POU6F2: variants seen among roughly 807,000 people sequenced by gnomAD.
The protein encoded by POU6F2 is POU domain, class 6, transcription factor 2.
POU6F2 carries 31 observed loss-of-function variants against 71.3 expected under a neutral mutation model. That is an observed-to-expected ratio of 0.43 (90% CI 0.33 to 0.59). POU6F2 has a LOEUF of 0.59. POU6F2 is among the 20% of genes least tolerant of loss of function. The pLI, the probability that POU6F2 is intolerant of heterozygous loss-of-function variation, is 0.04. For synonymous variants in POU6F2, 347 were observed against 355.7 expected (o/e 0.98, Z 0.27); for missense variants, 783 against 856.8 (o/e 0.91, Z 1.07).
rs1460358732 is a variant in POU6F2, at chr7:39,353,794, C to T, written c.972+13779C>T. Among the ~76,000 whole-genome samples the T allele has an allele frequency of 2.6e-5, 4 of 152,136 alleles. No homozygotes were observed. In the East Asian group the frequency reaches 5.8e-4, roughly 22 times the overall value. ...TCACACTTGATGCCTGGATTTGACT[C>T]GGAAAGTCTGCCAAGTCTTTTACTC... is the stretch of plus-strand genomic sequence containing the variant. On this transcript the variant is annotated intron_variant, in intron 5 of 9. Transcript: ENST00000518318.
At chr7:39,068,005 C>G (rs968785693) in intron 1 of POU6F2, among the ~76,000 whole-genome samples, 1 of 152,056 alleles carries the variant, frequency 6.6e-6, no homozygotes, top group Non-Finnish European at 1.5e-5. Context: ...TTCTTTTAAC[C>G]CGTAATTTCA....
chr7:39,328,198 C>T (rs1166320763), intron 4 of POU6F2, among the ~76,000 whole-genome samples: 1 of 152,168 alleles, frequency 6.6e-6, no homozygotes, highest in Non-Finnish European at 1.5e-5. Flanking sequence ...GGATTACAGG[C>T]GTGAGCCACC....
intron 2 of POU6F2, among the ~76,000 whole-genome samples, chr7:39,108,080 A>T (rs556610359): frequency 6.6e-6 from 1 of 152,142 alleles, no homozygotes; most frequent in Non-Finnish European, 1.5e-5. Flanking sequence ...ATTGCTCTCA[A>T]TTCTCCAGCC....
rs772967825 is a variant in POU6F2, at chr7:39,464,601, A to G, written c.2078A>G (p.Asn693Ser). ...WFCNKRQALK[N>S]TIKRLKQHEP... ...TGCAATAAGAGGCAAGCCCTGAAGA[A>G]CACAATTAAACGCTTAAAACAGCAC... Residue 693 changes from asparagine (N) to serine (S), a missense_variant, in exon 10 of 10, where the codon AAC becomes AGC. Physicochemically the swap from Asn to Ser is conservative, Grantham distance 46 (BLOSUM62 1). This residue lies in a region of POU6F2 where 211 missense variants were observed against 283.9 expected (regional missense o/e 0.74). Coordinates refer to ENST00000518318, the MANE Select transcript of POU6F2 (RefSeq NM_001370959.1). The surrounding 1 kb of genome is among the most constrained non-coding windows in gnomAD (Gnocchi z 4.1). 1.2e-6 allele frequency: 2 copies of G among 1,611,188 alleles called. No individual in the cohort carries two copies. The highest frequency in any genetic ancestry group is 1.1e-5 in the South Asian group (1 of 90,408).
intron 1 of POU6F2, among the ~76,000 whole-genome samples, chr7:39,076,316 A>G (rs1030051455): frequency 1.3e-5 from 2 of 151,568 alleles, no homozygotes; most frequent in Non-Finnish European, 2.9e-5. Flanking sequence ...CCTATTTTGT[A>G]TCAGACATAG....
At chr7:39,452,197 C>A (rs531714148) in intron 8 of POU6F2, among the ~76,000 whole-genome samples, 2 of 152,256 alleles carry the variant, frequency 1.3e-5, no homozygotes, top group South Asian at 4.2e-4. Context: ...CCTCAAGTGG[C>A]ATGTGGGGGA....
At chr7:39,089,971 A>G (rs1791331110) in intron 2 of POU6F2, among the ~76,000 whole-genome samples, 1 of 151,928 alleles carries the variant, frequency 6.6e-6, no homozygotes, top group Non-Finnish European at 1.5e-5. Context: ...CAGTTGTACT[A>G]CATTGTGCAT....
intron 2 of POU6F2, among the ~76,000 whole-genome samples, chr7:39,124,526 C>A (rs1792107159): frequency 6.6e-6 from 1 of 152,258 alleles, no homozygotes; most frequent in East Asian, 1.9e-4. Context: ...GCTTAGGTGA[C>A]AAGAGTAGTT....
chr7:39,284,894 G>C (rs1263734369), intron 4 of POU6F2, among the ~76,000 whole-genome samples: 1 of 152,146 alleles, frequency 6.6e-6, no homozygotes, highest in African/African-American at 2.4e-5. Context: ...CAATAAAGAT[G>C]GTCTGGGTGG....
intron 1 of POU6F2, among the ~76,000 whole-genome samples, chr7:39,067,389 A>T (rs1212543788): frequency 1.3e-5 from 2 of 151,902 alleles, no homozygotes; most frequent in Non-Finnish European, 2.9e-5. Flanking sequence ...TTCTTTTCAT[A>T]AAAGTAATAA....
chr7:39,017,373 C>T (rs1789580914), intron 1 of POU6F2, among the ~76,000 whole-genome samples: 1 of 152,176 alleles, frequency 6.6e-6, no homozygotes, highest in Non-Finnish European at 1.5e-5. Context: ...ACTGCTAAAT[C>T]TAATTCTACT....
chr7:39,082,563 C>T (rs1791142455), intron 1 of POU6F2, among the ~76,000 whole-genome samples: 1 of 152,132 alleles, frequency 6.6e-6, no homozygotes, highest in Non-Finnish European at 1.5e-5. Context: ...GGAAAATCCT[C>T]TCTTCACTAC....
chr7:39,126,254 CA>C, intron 2 of POU6F2, among the ~76,000 whole-genome samples: 1 of 152,218 alleles, frequency 6.6e-6, no homozygotes, highest in East Asian at 1.9e-4. Flanking sequence ...ATCTCATATC[CA>C]GGGGGATAGG....
intron 1 of POU6F2, among the ~76,000 whole-genome samples, chr7:39,067,209 A>T (rs2128717276): frequency 6.7e-6 from 1 of 149,592 alleles, no homozygotes; most frequent in East Asian, 1.9e-4. Context: ...CCAATGGATT[A>T]TTCAACTAAT....
At chr7:39,172,932 C>CTT (rs5883677) in intron 2 of POU6F2, among the ~76,000 whole-genome samples, 12 of 150,802 alleles carry the variant, frequency 8.0e-5, no homozygotes, top group East Asian at 3.9e-4. Flanking sequence ...CTCCAGGTCC[C>CTT]TTTTTTTTTA....
intron 4 of POU6F2, among the ~76,000 whole-genome samples, chr7:39,336,460 T>C (rs550256376): frequency 2.0e-5 from 3 of 152,338 alleles, no homozygotes; most frequent in Admixed American, 2.0e-4. Flanking sequence ...CTTCTTGTTT[T>C]TCCTTGGTGT....
chr7:39,086,112 T>C (rs1791240311), intron 2 of POU6F2, 81 bp downstream of exon 2: 3 of 1,369,798 alleles, frequency 2.2e-6, no homozygotes, highest in Non-Finnish European at 2.9e-6. Flanking sequence ...CCCCCTTTTT[T>C]TCTGTTGTTC....
chr7:39,032,814 G>A (rs979885090), intron 1 of POU6F2, among the ~76,000 whole-genome samples: 22 of 152,288 alleles, frequency 1.4e-4, no homozygotes, highest in African/African-American at 5.1e-4. Flanking sequence ...ACACAGCTCA[G>A]GATGCTATAA....
chr7:39,347,464 G>A (rs1333616056), intron 5 of POU6F2, among the ~76,000 whole-genome samples: 1 of 152,084 alleles, frequency 6.6e-6, no homozygotes, highest in East Asian at 1.9e-4. Context: ...ACAGTACAGG[G>A]CAAACCTACA....
Sources: allele counts gnomAD v4.1 joint callset (sites outside exome capture counted in the v4.1 genomes callset), GRCh38; gene constraint gnomAD v4.1.1; regional missense constraint gnomAD v4.1.1; non-coding constraint Gnocchi (gnomAD v3.1); transcripts MANE v1.5; gene names NCBI Gene and HGNC (gene_info 2026-07-23, HGNC 2026-07-21).